The following PARN variants were observed in gnomAD, a reference collection of about 807,000 sequenced individuals.
The protein encoded by PARN is poly(A)-specific ribonuclease, also known as poly(A)-specific ribonuclease PARN.
Under a neutral mutation model 102.8 loss-of-function variants are expected in PARN, and 71 were observed. The ratio of observed to expected loss-of-function variants is 0.69; its 90% CI spans 0.57 to 0.84. The LOEUF is 0.84. Among genes scored for constraint, PARN ranks in the 40% least tolerant of loss-of-function variants. The pLI, the probability that PARN is intolerant of heterozygous loss-of-function variation, is 0.00. For synonymous variants in PARN, 261 were observed against 252.9 expected (o/e 1.03, Z -0.30); for missense variants, 782 against 760.9 (o/e 1.03, Z -0.33).
chr16:14,620,056 C>CG (rs1972197019), intron 5 of PARN, among the ~76,000 whole-genome samples: 1 of 109,212 alleles, frequency 9.2e-6, no homozygotes, highest in Non-Finnish European at 1.8e-5. Flanking sequence ...GGTGACAGAG[C>CG]AAGACTCTGT....
intron 19 of PARN, among the ~76,000 whole-genome samples, chr16:14,554,363 A>C (rs1215477732): frequency 6.6e-6 from 1 of 152,150 alleles, no homozygotes; most frequent in Non-Finnish European, 1.5e-5. Context: ...AACCCACAAC[A>C]ACTTGAACCC....
intron 18 of PARN, among the ~76,000 whole-genome samples, chr16:14,570,815 CAAAAAAAA>C (rs761919651): frequency 6.5e-4 from 25 of 38,748 alleles, no homozygotes; most frequent in Non-Finnish European, 8.6e-4. Context: ...CCCACCTCTA[CAAAAAAAA>C]AAAAAAAAAA....
intron 21 of PARN, among the ~76,000 whole-genome samples, chr16:14,509,459 T>TTA (rs1965072876): frequency 6.6e-6 from 1 of 152,212 alleles, no homozygotes; most frequent in Non-Finnish European, 1.5e-5. Context: ...GGCTAACAGT[T>TTA]TATTTTAAAT....
At chr16:14,542,560 A>C (rs1966848119) in intron 21 of PARN, among the ~76,000 whole-genome samples, 2 of 140,860 alleles carry the variant, frequency 1.4e-5, no homozygotes, top group Non-Finnish European at 3.2e-5. Flanking sequence ...CAGGAACTCA[A>C]AAAAATTAAA....
chr16:14,494,661 G>A lies in PARN; in HGVS notation c.1481-11834C>T, dbSNP rs544072631. Among the ~76,000 whole-genome samples the A allele has an allele frequency of 8.5e-5, 13 of 152,336 alleles. No individual in the cohort carries two copies. In the East Asian group the frequency reaches 1.9e-3, roughly 23 times the overall value. On this transcript the variant is annotated intron_variant, in intron 21 of 23. Coordinates refer to ENST00000437198, the MANE Select transcript of PARN (RefSeq NM_002582.4). ...GCCGGCGGTGCAGCCGGAACGATGCGCAGAGGAGCGCCACACTGAGGAGTT... is the reference window on the plus strand; with the variant it reads ...GCCGGCGGTGCAGCCGGAACGATGCACAGAGGAGCGCCACACTGAGGAGTT...
chr16:14,594,901 C>T lies in PARN; in HGVS notation c.841-1523G>A, dbSNP rs1002791806. Among the ~76,000 whole-genome samples the T allele has an allele frequency of 7.2e-5, 11 of 152,284 alleles. No homozygotes were observed. In the East Asian group the frequency reaches 1.2e-3, roughly 16 times the overall value. On this transcript the variant is annotated intron_variant, in intron 12 of 23. Transcript: ENST00000437198. ...GTGTACATTCTGAATACCTATGCTA[C>T]GCTAAAATAATGAGCATTGATTGAA...
intron 21 of PARN, among the ~76,000 whole-genome samples, chr16:14,519,686 A>C (rs1236247657): frequency 2.0e-5 from 3 of 152,192 alleles, no homozygotes; most frequent in African/African-American, 7.2e-5. Context: ...AGATTTCTCT[A>C]TGTCATTATG....
At chr16:14,580,787 C>T (rs1969483649) in intron 18 of PARN, 87 bp downstream of exon 18, 1 of 715,886 alleles carries the variant, frequency 1.4e-6, no homozygotes, top group Non-Finnish European at 2.5e-6. Context: ...TGTGTTATAG[C>T]TCCCAATAAC....
chr16:14,593,543 G>T (rs55994124), intron 12 of PARN, among the ~76,000 whole-genome samples, 165 bp from the exon 13 acceptor site: 2,168 of 140,440 alleles, frequency 0.015, 20 homozygotes, highest in Middle Eastern at 0.032. Flanking sequence ...AGCTAATTTG[G>T]GCTGGCTTCA....
At chr16:14,586,758 G>A (rs2151757756) in intron 13 of PARN, among the ~76,000 whole-genome samples, 1 of 152,286 alleles carries the variant, frequency 6.6e-6, no homozygotes, top group African/African-American at 2.4e-5. Flanking sequence ...AGTGAGACAA[G>A]CAGAGTCATT....
At chr16:14,489,074 C>G (rs1486442671) in intron 21 of PARN, among the ~76,000 whole-genome samples, 2 of 152,090 alleles carry the variant, frequency 1.3e-5, no homozygotes, top group African/African-American at 4.8e-5. Context: ...CAATCCCCCT[C>G]ACGCCCCGCA....
chr16:14,519,518 G>C (rs1331216544), intron 21 of PARN, among the ~76,000 whole-genome samples: 2 of 152,132 alleles, frequency 1.3e-5, no homozygotes, highest in East Asian at 3.9e-4. Context: ...TTCCAGGTCT[G>C]GGGAAGTGAA....
chr16:14,588,724 T>A (rs1157340932), intron 13 of PARN, among the ~76,000 whole-genome samples: 1 of 150,308 alleles, frequency 6.7e-6, no homozygotes, highest in East Asian at 2.0e-4. Flanking sequence ...CTAAAAAAAA[T>A]TACAAAAATT....
chr16:14,508,981 A>T (rs1354895428), intron 21 of PARN, among the ~76,000 whole-genome samples: 5 of 151,566 alleles, frequency 3.3e-5, no homozygotes, highest in Non-Finnish European at 7.4e-5. Context: ...AGGTAAAAAA[A>T]TTTTTTAAAA....
At chr16:14,505,327 A>T (rs893594434) in intron 21 of PARN, among the ~76,000 whole-genome samples, 5 of 152,236 alleles carry the variant, frequency 3.3e-5, no homozygotes, top group Admixed American at 3.3e-4. Context: ...CTAGATTAAG[A>T]ATAGCTGGGC....
intron 22 of PARN, among the ~76,000 whole-genome samples, chr16:14,448,212 A>G (rs576737737): frequency 1.3e-5 from 2 of 151,346 alleles, no homozygotes; most frequent in South Asian, 2.1e-4. Context: ...GCAGTGGCAC[A>G]ATCTCAGCTC....
chr16:14,442,792 G>C (rs552741758), intron 23 of PARN, among the ~76,000 whole-genome samples: 1 of 152,276 alleles, frequency 6.6e-6, no homozygotes, highest in Admixed American at 6.5e-5. Context: ...ATTTTTAGTA[G>C]AGACAGGGTT....
At chr16:14,561,672 G>C (rs1968075384) in intron 18 of PARN, among the ~76,000 whole-genome samples, 1 of 152,176 alleles carries the variant, frequency 6.6e-6, no homozygotes, top group African/African-American at 2.4e-5. Flanking sequence ...AGCCGGGCAA[G>C]GTGGCTCGTG....
chr16:14,626,321 T>C (rs867595337), intron 5 of PARN, among the ~76,000 whole-genome samples: 3 of 152,190 alleles, frequency 2.0e-5, no homozygotes, highest in Non-Finnish European at 4.4e-5. Context: ...TTAATTTTTA[T>C]TTTAAAATAG....
Sources: allele counts gnomAD v4.1 joint callset (sites outside exome capture counted in the v4.1 genomes callset), GRCh38; gene constraint gnomAD v4.1.1; transcripts MANE v1.5; gene names NCBI Gene and HGNC (gene_info 2026-07-23, HGNC 2026-07-21).